The following LRFN2 variants were observed in gnomAD, a reference collection of about 807,000 sequenced individuals.
LRFN2 encodes the protein leucine-rich repeat and fibronectin type-III domain-containing protein 2.
A neutral mutation model predicts 37.3 loss-of-function variants in LRFN2; 18 were observed. The observed-to-expected ratio is 0.48, with a 90% confidence interval of 0.33 to 0.72. The LOEUF is 0.72. Ranked by LOEUF, LRFN2 falls within the 30% of genes least tolerant of loss-of-function variation. The probability of loss-of-function intolerance (pLI) is 0.02; values close to 1 mark genes in which losing one functional copy is unlikely to be tolerated. For missense variants in LRFN2, 1,006 were observed against 1,060.7 expected (o/e 0.95, Z 0.72); for synonymous variants, 556 against 466.6 (o/e 1.19, Z -2.47).
chr6:40,505,004 T>A (rs1320229031), intron 1 of LRFN2, among the ~76,000 whole-genome samples: 4 of 152,094 alleles, frequency 2.6e-5, no homozygotes, highest in Non-Finnish European at 5.9e-5. Flanking sequence ...TTCTAGAGTG[T>A]GTGATGTGAT....
rs74710122 is a variant in LRFN2, at chr6:40,496,764, C to T, written c.-18-63633G>A. 3.7e-3 allele frequency among the ~76,000 whole-genome samples: 568 copies of T among 152,192 alleles called. 6 individuals are homozygous for T. Among genetic ancestry groups the T allele is most frequent in the East Asian group, 0.023 (121 of 5,156 alleles). ...TGGTTTGTGTGTTATCCTCTGCTTC[C>T]TCCTGCTAGAATATGAGACCCTTTG... On this transcript the variant is annotated intron_variant, in intron 1 of 2. Coordinates refer to ENST00000338305, the MANE Select transcript of LRFN2 (RefSeq NM_020737.3).
At chr6:40,443,234 A>G (rs1398509513) in intron 1 of LRFN2, among the ~76,000 whole-genome samples, 1 of 152,146 alleles carries the variant, frequency 6.6e-6, no homozygotes, top group African/African-American at 2.4e-5. Context: ...GGAAACCAAG[A>G]TACACAGAAA....
chr6:40,410,570 G>C (rs554001756), intron 2 of LRFN2, among the ~76,000 whole-genome samples: 2 of 152,178 alleles, frequency 1.3e-5, no homozygotes, highest in Non-Finnish European at 2.9e-5. Flanking sequence ...ATGAGGATCA[G>C]AAGTAATGTA....
intron 1 of LRFN2, 77 bp downstream of exon 1, chr6:40,586,864 C>T (rs1767513444): frequency 6.6e-6 from 1 of 152,254 alleles, no homozygotes; most frequent in African/African-American, 2.4e-5. Context: ...TCCCGGTTCC[C>T]TCGGGTGCGT....
At chr6:40,498,673 G>C (rs1162242661) in intron 1 of LRFN2, among the ~76,000 whole-genome samples, 1 of 152,154 alleles carries the variant, frequency 6.6e-6, no homozygotes, top group African/African-American at 2.4e-5. Flanking sequence ...CACCCACATG[G>C]ACAGGCAGCT....
intron 1 of LRFN2, among the ~76,000 whole-genome samples, chr6:40,550,458 T>G (rs1404610528): frequency 6.6e-6 from 1 of 152,096 alleles, no homozygotes; most frequent in Non-Finnish European, 1.5e-5. Context: ...CCTCATCCAG[T>G]AGGGGGCATC....
At chr6:40,563,011 C>T (rs2113789655) in intron 1 of LRFN2, among the ~76,000 whole-genome samples, 1 of 152,222 alleles carries the variant, frequency 6.6e-6, no homozygotes, top group South Asian at 2.1e-4. Flanking sequence ...GTGTTATAAG[C>T]ATGTCTCCCT....
In LRFN2 at chr6:40,395,116, CACAGG is replaced by C. The variant is rs144262958; in HGVS notation, c.1401-2209_1401-2205del. Among the ~76,000 whole-genome samples, 240 of 152,172 alleles carry C rather than the reference CACAGG, an allele frequency of 1.6e-3. 2 individuals carry two copies. In the East Asian group the frequency reaches 0.043, roughly 27 times the overall value. ...CCAGCAAGGACCCTGCAGCCAGCCC[CACAGG>C]TCTATCTGAAGACTTCAGAGCCAGT... On this transcript the variant is annotated intron_variant, in intron 2 of 2. Coordinates refer to ENST00000338305, the MANE Select transcript of LRFN2 (RefSeq NM_020737.3).
Position 40,432,949 on chromosome 6 carries a change from C to T in LRFN2, c.165G>A (p.Val55=), listed in dbSNP as rs201989762. Residue 55 remains valine (V), a synonymous_variant, in exon 2 of 3, where the codon GTG becomes GTA. Coordinates refer to ENST00000338305, the MANE Select transcript of LRFN2 (RefSeq NM_020737.3). ...FVPPDIDRRT[V]ELRLGGNFII... ...TGAAGTTGCCGCCCAGGCGCAGCTC[C>T]ACTGTCCGCCGGTCAATATCAGGGG... 9 of 1,613,634 alleles carry T rather than the reference C, an allele frequency of 5.6e-6. No individual in the cohort carries two copies. Among genetic ancestry groups the T allele is most frequent in the Non-Finnish European group, 7.6e-6 (9 of 1,179,770 alleles).
intron 2 of LRFN2, among the ~76,000 whole-genome samples, chr6:40,412,174 G>A (rs1459972717): frequency 6.6e-6 from 1 of 152,094 alleles, no homozygotes. Context: ...GTGATCCATG[G>A]AAGGATCTGG....
At chr6:40,513,288 C>G (rs1765768064) in intron 1 of LRFN2, among the ~76,000 whole-genome samples, 1 of 151,222 alleles carries the variant, frequency 6.6e-6, no homozygotes, top group South Asian at 2.1e-4. Flanking sequence ...GGCTGAAGTG[C>G]AGTGGTGAGA....
chr6:40,528,985 C>T (rs774922220), intron 1 of LRFN2, among the ~76,000 whole-genome samples: 17 of 152,148 alleles, frequency 1.1e-4, no homozygotes, highest in Non-Finnish European at 2.1e-4. Flanking sequence ...CTGGGTGGCT[C>T]CTGCTTCTCT....
intron 1 of LRFN2, among the ~76,000 whole-genome samples, chr6:40,464,871 C>A (rs1764425012): frequency 6.6e-6 from 1 of 152,210 alleles, no homozygotes; most frequent in South Asian, 2.1e-4. Context: ...GTAATCTACA[C>A]AATCTCTTGT....
chr6:40,494,990 C>A (rs1765190828), intron 1 of LRFN2, among the ~76,000 whole-genome samples: 1 of 152,202 alleles, frequency 6.6e-6, no homozygotes, highest in Non-Finnish European at 1.5e-5. Flanking sequence ...CTGGTTAAAC[C>A]CAATCATCCA....
At chr6:40,448,274 T>G (rs1229954457) in intron 1 of LRFN2, among the ~76,000 whole-genome samples, 3 of 151,944 alleles carry the variant, frequency 2.0e-5, no homozygotes, top group Non-Finnish European at 4.4e-5. Flanking sequence ...GTTTTGTGCT[T>G]CTCCTGCAAC....
chr6:40,527,323 G>A (rs1561896375), intron 1 of LRFN2, among the ~76,000 whole-genome samples: 1 of 152,180 alleles, frequency 6.6e-6, no homozygotes, highest in Non-Finnish European at 1.5e-5. Flanking sequence ...ACAAGGCAAG[G>A]ACTAATGTTC....
intron 1 of LRFN2, among the ~76,000 whole-genome samples, chr6:40,534,321 G>C (rs1766408729): frequency 6.6e-6 from 1 of 152,210 alleles, no homozygotes; most frequent in East Asian, 1.9e-4. Context: ...AATGGTGAAA[G>C]CTCCCCCAAG....
At chr6:40,488,256 T>C (rs950990180) in intron 1 of LRFN2, among the ~76,000 whole-genome samples, 2 of 152,084 alleles carry the variant, frequency 1.3e-5, no homozygotes, top group African/African-American at 4.8e-5. Flanking sequence ...GCCCAGAATC[T>C]GCAAGGAAGG....
At chr6:40,396,686 CTGTGTGTGTG>C (rs3997706) in intron 2 of LRFN2, among the ~76,000 whole-genome samples, 15,868 of 135,176 alleles carry the variant, frequency 0.12, 943 homozygotes, top group African/African-American at 0.14. Flanking sequence ...TTCCTCTGCT[CTGTGTGTGTG>C]TGTGTGTGTG....
Sources: allele counts gnomAD v4.1 joint callset (sites outside exome capture counted in the v4.1 genomes callset), GRCh38; gene constraint gnomAD v4.1.1; transcripts MANE v1.5; gene names NCBI Gene and HGNC (gene_info 2026-07-23, HGNC 2026-07-21).